Variants in MARCO observed in about 807,000 individuals in gnomAD.
MARCO encodes the protein macrophage receptor MARCO.
In MARCO, 72 loss-of-function variants were observed where a neutral mutation model predicts 70.0. That is an observed-to-expected ratio of 1.03 (90% confidence interval 0.85 to 1.25). The LOEUF (loss-of-function observed/expected upper bound fraction) is 1.25. Among genes scored for constraint, MARCO ranks in the 50% most tolerant of loss-of-function variants. The probability of loss-of-function intolerance (pLI) is 0.00; values close to 1 mark genes in which losing one functional copy is unlikely to be tolerated. For missense variants in MARCO, 696 were observed against 659.3 expected, an observed-to-expected ratio of 1.06 and a Z score of -0.61; for synonymous variants, 273 against 243.1, an observed-to-expected ratio of 1.12 and a Z score of -1.14.
At chr2:118,991,659 C>T in intron 13 of MARCO, 118 bp from the exon 14 acceptor site, 1 of 598,556 alleles carries the variant, frequency 1.7e-6, no homozygotes, top group Non-Finnish European at 3.0e-6. Flanking sequence ...TCAGATAGCC[C>T]AGCCATGGGG....
At position 118,970,242 on chromosome 2, in the gene MARCO, G is replaced by A. The variant is rs1456356736; in HGVS notation, c.328G>A (p.Ala110Thr). ...AHPGEHLAQGASRLQVLQAQL... is the reference protein window; with the variant it reads ...AHPGEHLAQGTSRLQVLQAQL... ...CCCTGGAGAACACCTGGCTCAGGGTGCATCGAGGCTGCAAGTCCTGCAGGC... is the reference window on the plus strand; with the variant it reads ...CCCTGGAGAACACCTGGCTCAGGGTACATCGAGGCTGCAAGTCCTGCAGGC... Residue 110 changes from alanine to threonine, a missense_variant, in exon 3 of 17, where the codon GCA (alanine) becomes ACA (threonine). Transcript: ENST00000327097. 5 of 1,614,090 alleles carry A rather than the reference G, an allele frequency of 3.1e-6. No homozygotes were observed. Among genetic ancestry groups the A allele is most frequent in the Non-Finnish European group, 4.2e-6 (5 of 1,180,018 alleles).
At chr2:118,947,439 T>G (rs1205443207) in intron 1 of MARCO, among the ~76,000 whole-genome samples, 1 of 152,176 alleles carries the variant, frequency 6.6e-6, no homozygotes, top group African/African-American at 2.4e-5. Context: ...GCCTCCCAAG[T>G]AGCTGGGACT....
intron 1 of MARCO, among the ~76,000 whole-genome samples, chr2:118,947,590 G>C (rs371858445): frequency 2.0e-5 from 3 of 151,082 alleles, no homozygotes; most frequent in South Asian, 2.1e-4. Flanking sequence ...TTGTTGAAAG[G>C]CTATCCTTTC....
rs370255336 is a variant in MARCO, at chr2:118,990,640, G to C, written c.1108+7G>C. 1.9e-4 allele frequency: 301 copies of C among 1,603,530 alleles called. 1 individual carries two copies. Among genetic ancestry groups the C allele is most frequent in the Non-Finnish European group, 2.5e-4 (288 of 1,173,318 alleles). ...GGAGAATCAGGAGTTCCAGGTAAAGGGCAGGCTGCATCTTCATCCCTCGGA... is the reference window on the plus strand; with the variant it reads ...GGAGAATCAGGAGTTCCAGGTAAAGCGCAGGCTGCATCTTCATCCCTCGGA... On this transcript the variant is annotated splice_region_variant and intron_variant, in intron 13 of 16. Transcript: ENST00000327097.
At chr2:118,954,515 A>G (rs891688552) in intron 1 of MARCO, among the ~76,000 whole-genome samples, 1 of 152,150 alleles carries the variant, frequency 6.6e-6, no homozygotes, top group Admixed American at 6.5e-5. Context: ...AAGACATGTG[A>G]TATTGGGAGT....
rs180824838 is a variant in MARCO at position 118,985,769 on chromosome 2, C to T, written c.1063+3359C>T. 7.9e-4 allele frequency among the ~76,000 whole-genome samples: 121 copies of T among 152,252 alleles called. 1 individual carries two copies. Among genetic ancestry groups the T allele is most frequent in the African/African-American group, 2.9e-3 (119 of 41,552 alleles). ...ACATTTCTCTTTTTACCATTTACACCTCATGAAATAACATTAGAAGCAGCC... is the reference window on the plus strand; with the variant it reads ...ACATTTCTCTTTTTACCATTTACACTTCATGAAATAACATTAGAAGCAGCC... On this transcript the variant is annotated intron_variant, in intron 12 of 16. Transcript: ENST00000327097.
At chr2:118,975,399 C>T (rs1370293873) in intron 6 of MARCO, among the ~76,000 whole-genome samples, 6 of 152,138 alleles carry the variant, frequency 3.9e-5, no homozygotes, top group East Asian at 1.9e-4. Context: ...GTCTCTAAGC[C>T]GCCAGGCTGC....
intron 12 of MARCO, among the ~76,000 whole-genome samples, chr2:118,983,939 G>C (rs1189571057): frequency 6.6e-6 from 1 of 152,134 alleles, no homozygotes; most frequent in Non-Finnish European, 1.5e-5. Context: ...TGAGGGTAGG[G>C]AATCCTGCCC....
At chr2:118,980,377 C>T (rs1380397848) in intron 8 of MARCO, among the ~76,000 whole-genome samples, 1 of 152,160 alleles carries the variant, frequency 6.6e-6, no homozygotes, top group African/African-American at 2.4e-5. Context: ...CTCAAGGGGT[C>T]TGATTCATGA....
At chr2:118,986,876 G>T (rs895948773) in intron 12 of MARCO, among the ~76,000 whole-genome samples, 7 of 152,120 alleles carry the variant, frequency 4.6e-5, no homozygotes, top group Admixed American at 4.6e-4. Context: ...CTGAGCCTCA[G>T]CTTGAACTTA....
In MARCO at chr2:118,970,287, G is replaced by A. The variant is rs1362843247; in HGVS notation, c.373G>A (p.Val125Ile). Residue 125 changes from valine to isoleucine, a missense_variant, in exon 3 of 17, where the codon GTC becomes ATC. By Grantham distance (29) the Val-to-Ile change is conservative (BLOSUM62 3). Around this residue, in one of 3 missense-constraint regions of MARCO, gnomAD observed 605 missense variants for 537.6 expected, o/e 1.13. Transcript: ENST00000327097. ...VLQAQLTWVR[V>I]SHEHLLQRVD... ...GCAGGCCCAACTCACCTGGGTCCGC[G>A]TCAGCCATGAGCACTTGCTGCAGCG... The A allele has an allele frequency of 6.8e-6, 11 of 1,613,996 alleles. No individual in the cohort carries two copies. Among genetic ancestry groups the A allele is most frequent in the South Asian group, 2.2e-5 (2 of 91,062 alleles).
chr2:118,969,255 G>A lies in MARCO; in HGVS notation c.193G>A (p.Val65Ile). Residue 65 changes from valine (V) to isoleucine (I), a missense_variant, in exon 2 of 17, where the codon GTC becomes ATC. Transcript: ENST00000327097. Reference sequence around the variant, plus strand: ...CACCGCTGGCGCTGGGCTGCTGGTGGTCCAAGGTAAAGCAGGCTTGGTCCT... The same window carrying A: ...CACCGCTGGCGCTGGGCTGCTGGTGATCCAAGGTAAAGCAGGCTTGGTCCT... The part of the protein sequence containing the change: ...LLTAGAGLLV[V>I]QVLNLQARLR... The A allele has an allele frequency of 1.2e-6, 2 of 1,614,012 alleles. No homozygotes were observed. The highest frequency in any genetic ancestry group is 2.2e-5 in the South Asian group (2 of 91,066).
At chr2:118,952,447 C>T (rs1013423675) in intron 1 of MARCO, 1 of 152,272 alleles carries the variant, frequency 6.6e-6, no homozygotes, top group Non-Finnish European at 1.5e-5. Flanking sequence ...GCTATGGAAC[C>T]GCAGAGAGGA....
intron 1 of MARCO, among the ~76,000 whole-genome samples, chr2:118,943,856 G>A (rs1679548349): frequency 6.6e-6 from 1 of 152,196 alleles, no homozygotes; most frequent in Non-Finnish European, 1.5e-5. Context: ...GGGGAAGCAG[G>A]AAGGGGCCGA....
At chr2:118,982,974 T>A (rs2104598917) in intron 12 of MARCO, among the ~76,000 whole-genome samples, 1 of 152,314 alleles carries the variant, frequency 6.6e-6, no homozygotes, top group South Asian at 2.1e-4. Flanking sequence ...TTATAAGCCG[T>A]TTTGGTCCAG....
intron 16 of MARCO, 23 bp downstream of exon 16, chr2:118,993,323 G>A (rs778314807): frequency 5.6e-6 from 9 of 1,612,334 alleles, no homozygotes; most frequent in South Asian, 4.4e-5. Context: ...TCAGCCGGGG[G>A]CCTCTTCCCC....
chr2:118,971,130 A>G (rs1337680801), intron 3 of MARCO, among the ~76,000 whole-genome samples: 1 of 152,178 alleles, frequency 6.6e-6, no homozygotes, highest in Non-Finnish European at 1.5e-5. Context: ...CCACGTTCAG[A>G]CACAGACACC....
At chr2:118,982,134 G>GAGAA in intron 10 of MARCO, 22 bp from the exon 11 acceptor site, 1 of 1,577,420 alleles carries the variant, frequency 6.3e-7, no homozygotes, top group Non-Finnish European at 8.7e-7. Context: ...CCACAGCCTG[G>GAGAA]CAGTCACTAC....
intron 1 of MARCO, among the ~76,000 whole-genome samples, chr2:118,962,798 T>C (rs1249776262): frequency 6.6e-6 from 1 of 152,110 alleles, no homozygotes; most frequent in Non-Finnish European, 1.5e-5. Flanking sequence ...TGATTATAGA[T>C]ATTCAGATTA....
Sources: allele counts gnomAD v4.1 joint callset (sites outside exome capture counted in the v4.1 genomes callset), GRCh38; gene constraint gnomAD v4.1.1; regional missense constraint gnomAD v4.1.1; transcripts MANE v1.5; gene names NCBI Gene and HGNC (gene_info 2026-07-23, HGNC 2026-07-21).